Variants in CDH10 observed in about 807,000 individuals in gnomAD.
CDH10 encodes the protein cadherin 10.
Under a neutral mutation model 73.1 loss-of-function variants are expected in CDH10, and 30 were observed. The observed-to-expected ratio is 0.41, with a 90% CI of 0.31 to 0.56. The LOEUF (loss-of-function observed/expected upper bound fraction) is 0.56, where lower values mean the gene tolerates loss of function less well. CDH10 is among the 20% of genes least tolerant of loss of function. CDH10 has a pLI of 0.27. For synonymous variants in CDH10, 345 were observed against 348.2 expected (o/e 0.99, Z 0.10); for missense variants, 815 against 973.7 (o/e 0.84, Z 2.17).
chr5:24,597,275 G>A (rs1746400875), intron 1 of CDH10, among the ~76,000 whole-genome samples: 1 of 151,988 alleles, frequency 6.6e-6, no homozygotes, highest in Non-Finnish European at 1.5e-5. Flanking sequence ...GGTCTGGTGT[G>A]GGGCATAAGA....
intron 2 of CDH10, among the ~76,000 whole-genome samples, chr5:24,567,944 A>G (rs980702610): frequency 6.6e-6 from 1 of 152,064 alleles, no homozygotes; most frequent in Non-Finnish European, 1.5e-5. Flanking sequence ...CACTTCAATG[A>G]TGTCTCAAAT....
chr5:24,526,963 AC>A (rs1216143382), intron 5 of CDH10, among the ~76,000 whole-genome samples: 1 of 151,670 alleles, frequency 6.6e-6, no homozygotes, highest in African/African-American at 2.4e-5. Flanking sequence ...AACAACAATA[AC>A]CACCAAAAAT....
At chr5:24,515,146 G>A (rs1743061402) in intron 5 of CDH10, among the ~76,000 whole-genome samples, 1 of 152,070 alleles carries the variant, frequency 6.6e-6, no homozygotes, top group African/African-American at 2.4e-5. Context: ...GTGACAGTTA[G>A]AAAATATTAC....
chr5:24,503,703 T>C (rs1282176935), intron 8 of CDH10, among the ~76,000 whole-genome samples: 1 of 152,188 alleles, frequency 6.6e-6, no homozygotes, highest in Non-Finnish European at 1.5e-5. Context: ...TTGTGCTACC[T>C]CTGACATGAT....
At chr5:24,518,394 T>A (rs1347910087) in intron 5 of CDH10, among the ~76,000 whole-genome samples, 3 of 151,952 alleles carry the variant, frequency 2.0e-5, no homozygotes, top group Admixed American at 2.0e-4. Flanking sequence ...CACACATATA[T>A]ATGCACGTAT....
intron 2 of CDH10, among the ~76,000 whole-genome samples, chr5:24,547,244 A>G (rs956741346): frequency 6.6e-6 from 1 of 152,188 alleles, no homozygotes; most frequent in Non-Finnish European, 1.5e-5. Context: ...GAGGTAGGTA[A>G]GCAACAGCAG....
At chr5:24,521,235 G>A (rs76672874) in intron 5 of CDH10, among the ~76,000 whole-genome samples, 3,544 of 152,222 alleles carry the variant, frequency 0.023, 85 homozygotes, top group East Asian at 0.087. Flanking sequence ...ACAAGCTCAC[G>A]CTAAATATGT....
rs143151302 is a variant in CDH10, at chr5:24,591,602, C to T, written c.231+1658G>A. Among the ~76,000 whole-genome samples the T allele has an allele frequency of 5.6e-3, 845 of 152,004 alleles. 10 individuals are homozygous for T. The highest frequency in any genetic ancestry group is 0.019 in the African/African-American group (797 of 41,536). ...ATTACAACTTCTAGACTAGTCTTCT[C>T]TGCCAAAGAGCCAAATGCCACCAGA... On this transcript the variant is annotated intron_variant, in intron 2 of 11. Transcript: ENST00000264463.
intron 7 of CDH10, among the ~76,000 whole-genome samples, chr5:24,508,913 G>A (rs1346202369): frequency 6.6e-6 from 1 of 152,152 alleles, no homozygotes; most frequent in Non-Finnish European, 1.5e-5. Flanking sequence ...TGTAAACGCA[G>A]AGTTGACATA....
At chr5:24,583,043 A>T (rs909611861) in intron 2 of CDH10, among the ~76,000 whole-genome samples, 1 of 149,242 alleles carries the variant, frequency 6.7e-6, no homozygotes, top group Non-Finnish European at 1.5e-5. Flanking sequence ...CACCTGTCAT[A>T]TTGCTATATT....
intron 7 of CDH10, among the ~76,000 whole-genome samples, chr5:24,508,671 A>G (rs10755285): frequency 0.36 from 54,442 of 151,958 alleles, 11,917 homozygotes; most frequent in East Asian, 0.58. Flanking sequence ...AGTGTGCACC[A>G]CCATGCCTGG....
chr5:24,530,960 A>G (rs944797719), intron 5 of CDH10, among the ~76,000 whole-genome samples: 2 of 152,120 alleles, frequency 1.3e-5, no homozygotes, highest in Admixed American at 6.6e-5. Context: ...ATAATTATCA[A>G]TGTTCCCCTG....
chr5:24,526,433 T>C (rs1276750503), intron 5 of CDH10, among the ~76,000 whole-genome samples: 1 of 151,910 alleles, frequency 6.6e-6, no homozygotes. Flanking sequence ...TTTTCACTAA[T>C]ATCTCATTTG....
At chr5:24,633,015 A>G (rs1747754217) in intron 1 of CDH10, among the ~76,000 whole-genome samples, 1 of 151,892 alleles carries the variant, frequency 6.6e-6, no homozygotes. Context: ...ATATAGAAAT[A>G]AAGTAGGGAA....
At chr5:24,618,284 T>C (rs1228716583) in intron 1 of CDH10, among the ~76,000 whole-genome samples, 1 of 152,200 alleles carries the variant, frequency 6.6e-6, no homozygotes, top group Non-Finnish European at 1.5e-5. Flanking sequence ...GAAGGATAAC[T>C]TGTTACGAAG....
intron 1 of CDH10, among the ~76,000 whole-genome samples, chr5:24,616,343 T>A (rs773877017): frequency 6.6e-6 from 1 of 152,170 alleles, no homozygotes; most frequent in Admixed American, 6.5e-5. Flanking sequence ...ATTTGGATTA[T>A]GGTTAACACT....
intron 1 of CDH10, among the ~76,000 whole-genome samples, chr5:24,630,451 G>A (rs1056962288): frequency 2.0e-5 from 3 of 151,572 alleles, no homozygotes; most frequent in African/African-American, 7.3e-5. Context: ...TATGTGAGAG[G>A]TTGAGGCATG....
chr5:24,628,845 GACACACACACACACAC>G (rs71698746), intron 1 of CDH10, among the ~76,000 whole-genome samples: 1 of 127,218 alleles, frequency 7.9e-6, no homozygotes, highest in African/African-American at 3.1e-5. Flanking sequence ...TCCCCACCTT[GACACACACACACACAC>G]ACACACACAC....
intron 2 of CDH10, among the ~76,000 whole-genome samples, chr5:24,583,963 C>T (rs762603181): frequency 6.6e-6 from 1 of 152,012 alleles, no homozygotes; most frequent in African/African-American, 2.4e-5. Flanking sequence ...TTAATAATGG[C>T]GAATGAGGTA....
Sources: allele counts gnomAD v4.1 joint callset (sites outside exome capture counted in the v4.1 genomes callset), GRCh38; gene constraint gnomAD v4.1.1; transcripts MANE v1.5; gene names NCBI Gene and HGNC (gene_info 2026-07-23, HGNC 2026-07-21).